HPSE2: variants seen among roughly 807,000 people sequenced by gnomAD.
HPSE2 encodes heparanase 2 (inactive), also known as inactive heparanase-2.
In HPSE2, 38 loss-of-function variants were observed where a neutral mutation model predicts 60.5. The ratio of observed to expected loss-of-function variants is 0.63; its 90% CI spans 0.48 to 0.82. The LOEUF (loss-of-function observed/expected upper bound fraction) is 0.82. Among genes scored for constraint, HPSE2 ranks in the 40% least tolerant of loss-of-function variants. The probability of loss-of-function intolerance (pLI) is 0.00; values close to 1 mark genes in which losing one functional copy is unlikely to be tolerated. For missense variants in HPSE2, 713 were observed against 740.4 expected (o/e 0.96, Z 0.43); for synonymous variants, 295 against 293.2 (o/e 1.01, Z -0.06).
intron 3 of HPSE2, among the ~76,000 whole-genome samples, chr10:98,914,290 C>T (rs958033722): frequency 1.3e-5 from 2 of 152,034 alleles, no homozygotes; most frequent in Non-Finnish European, 2.9e-5. Flanking sequence ...CCTTGCTTTC[C>T]ACCATGATTG....
chr10:98,857,902 T>C (rs1193477185), intron 3 of HPSE2, among the ~76,000 whole-genome samples: 4 of 152,222 alleles, frequency 2.6e-5, no homozygotes, highest in East Asian at 3.9e-4. Context: ...ACAAAATATT[T>C]TGAGTAGGAA....
chr10:98,610,462 A>T (rs929503022), intron 9 of HPSE2, among the ~76,000 whole-genome samples: 4 of 152,170 alleles, frequency 2.6e-5, no homozygotes, highest in African/African-American at 9.7e-5. Flanking sequence ...CACAGGTTCA[A>T]TCTCACCATA....
chr10:99,213,053 T>C (rs2133912517), intron 2 of HPSE2, among the ~76,000 whole-genome samples: 1 of 152,078 alleles, frequency 6.6e-6, no homozygotes, highest in Non-Finnish European at 1.5e-5. Flanking sequence ...AGACCAAAGG[T>C]AGAGTGAGAA....
At chr10:98,488,913 GC>G (rs1049700506) in intron 10 of HPSE2, among the ~76,000 whole-genome samples, 1 of 151,972 alleles carries the variant, frequency 6.6e-6, no homozygotes, top group Non-Finnish European at 1.5e-5. Context: ...ACTGGCCCCT[GC>G]CCCCCCTCTC....
intron 4 of HPSE2, among the ~76,000 whole-genome samples, chr10:98,734,928 C>T (rs1303449425): frequency 6.7e-6 from 1 of 148,536 alleles, no homozygotes; most frequent in Non-Finnish European, 1.5e-5. Context: ...CACAAACACA[C>T]ACAATTTCCC....
chr10:98,558,259 C>G (rs1944071155), intron 9 of HPSE2, among the ~76,000 whole-genome samples: 1 of 152,250 alleles, frequency 6.6e-6, no homozygotes, highest in East Asian at 1.9e-4. Context: ...CTACTCCATC[C>G]CTAGGTATAC....
chr10:99,183,139 G>A (rs1847842576), intron 2 of HPSE2, among the ~76,000 whole-genome samples: 2 of 151,992 alleles, frequency 1.3e-5, no homozygotes, highest in Non-Finnish European at 2.9e-5. Flanking sequence ...GTACAGGCAG[G>A]AGGATTCCAA....
chr10:98,921,882 A>G lies in HPSE2; in HGVS notation c.611-177826T>C, dbSNP rs1445175318. Among the ~76,000 whole-genome samples the G allele has an allele frequency of 3.9e-5, 6 of 152,144 alleles. No individual in the cohort carries two copies. The East Asian group carries it at 1.2e-3, about 29-fold the overall frequency. Reference sequence around the variant, plus strand: ...AAAGTAAGGGTTAGTAACTATAAATAAGTAGGTGCCAATTCATGGGGAGAG... The same window carrying G: ...AAAGTAAGGGTTAGTAACTATAAATGAGTAGGTGCCAATTCATGGGGAGAG... On this transcript the variant is annotated intron_variant, in intron 3 of 11. Coordinates refer to ENST00000370552, the MANE Select transcript of HPSE2 (RefSeq NM_021828.5).
chr10:98,675,543 C>T (rs1283830329), intron 6 of HPSE2, among the ~76,000 whole-genome samples: 1 of 148,276 alleles, frequency 6.7e-6, no homozygotes, highest in African/African-American at 2.5e-5. Flanking sequence ...CCTGTCTACA[C>T]ACACACACAC....
intron 11 of HPSE2, among the ~76,000 whole-genome samples, chr10:98,463,483 G>C (rs541108106): frequency 6.6e-6 from 1 of 152,340 alleles, no homozygotes; most frequent in African/African-American, 2.4e-5. Context: ...AGATATTGTT[G>C]GGATTGAAAT....
At chr10:98,471,796 A>C (rs1024893460) in intron 11 of HPSE2, among the ~76,000 whole-genome samples, 7 of 152,210 alleles carry the variant, frequency 4.6e-5, no homozygotes, top group Non-Finnish European at 8.8e-5. Context: ...TTTCTTGAAC[A>C]CTGAAAAGAA....
chr10:98,567,748 GGTGT>G (rs57706769), intron 9 of HPSE2, among the ~76,000 whole-genome samples: 15 of 151,030 alleles, frequency 9.9e-5, no homozygotes, highest in South Asian at 2.1e-4. Context: ...ACAAATGGAT[GGTGT>G]GTGTGTGTGT....
chr10:99,199,155 G>A (rs1848494948), intron 2 of HPSE2, among the ~76,000 whole-genome samples: 1 of 152,122 alleles, frequency 6.6e-6, no homozygotes, highest in Non-Finnish European at 1.5e-5. Flanking sequence ...ACATGGGAGT[G>A]CAAATACCTC....
Position 98,482,739 on chromosome 10 carries a change from A to G in HPSE2, c.1510T>C (p.Leu504=). The G allele has an allele frequency of 2.5e-6, 4 of 1,614,158 alleles. No homozygotes were observed. The highest frequency in any genetic ancestry group is 2.5e-6 in the Non-Finnish European group (3 of 1,180,018). ...RGSITLFIIN[L]HRSRKKIKLA... The stretch of plus-strand genomic sequence containing the variant: ...TTGATTTTCTTTCTTGATCGATGCA[A>G]GTTGATGATAAAAAGTGTAATGGAC... Residue 504 remains leucine, a synonymous_variant, in exon 11 of 12, where the codon TTG becomes CTG. Transcript: ENST00000370552.
chr10:98,901,969 T>C (rs1953679165), intron 3 of HPSE2, among the ~76,000 whole-genome samples: 1 of 152,158 alleles, frequency 6.6e-6, no homozygotes, highest in Non-Finnish European at 1.5e-5. Flanking sequence ...CAACACCAGG[T>C]ACCTTAGTCT....
chr10:98,514,665 T>A (rs561851566), intron 9 of HPSE2, among the ~76,000 whole-genome samples: 1 of 151,518 alleles, frequency 6.6e-6, no homozygotes, highest in Non-Finnish European at 1.5e-5. Context: ...GGTCACAGCA[T>A]CTGGATTTTC....
chr10:98,532,729 G>C (rs1448236806), intron 9 of HPSE2, among the ~76,000 whole-genome samples: 1 of 152,168 alleles, frequency 6.6e-6, no homozygotes, highest in Non-Finnish European at 1.5e-5. Flanking sequence ...GGTTTCAAAA[G>C]ATTCTTCCAG....
intron 9 of HPSE2, among the ~76,000 whole-genome samples, chr10:98,490,946 A>G (rs1353490068): frequency 6.6e-6 from 1 of 152,184 alleles, no homozygotes; most frequent in Non-Finnish European, 1.5e-5. Flanking sequence ...TGCTATTATC[A>G]TATTTTGTGT....
chr10:98,719,450 CAA>C (rs984039639), intron 5 of HPSE2, among the ~76,000 whole-genome samples: 2 of 151,738 alleles, frequency 1.3e-5, no homozygotes, highest in Admixed American at 6.6e-5. Context: ...AGGAGAAAAA[CAA>C]GAGGAGAGGC....
Sources: gnomAD v4.1 joint callset for allele counts (sites outside exome capture counted in the v4.1 genomes callset) on GRCh38, gnomAD v4.1.1 for gene constraint, MANE v1.5 for transcripts, NCBI Gene and HGNC (gene_info 2026-07-23, HGNC 2026-07-21) for gene names.